The following PRKCB variants were observed in gnomAD, a reference collection of about 807,000 sequenced individuals.
The protein encoded by PRKCB is protein kinase C beta.
A neutral mutation model predicts 81.5 loss-of-function variants in PRKCB; 13 were observed. The ratio of observed to expected loss-of-function variants is 0.16; its 90% CI spans 0.10 to 0.25. The LOEUF (loss-of-function observed/expected upper bound fraction) is 0.25, where lower values mean the gene tolerates loss of function less well. Among genes scored for constraint, PRKCB ranks in the 10% least tolerant of loss-of-function variants. The pLI, the probability that PRKCB is intolerant of heterozygous loss-of-function variation, is 1.00. For synonymous variants in PRKCB, 335 were observed against 321.4 expected (o/e 1.04, Z -0.45); for missense variants, 509 against 875.7 (o/e 0.58, Z 5.29).
In PRKCB at chr16:24,066,075, C is replaced by CTGTGTGTGTGTG. The variant is rs58216806; in HGVS notation, c.530-26690_530-26679dup. Among the ~76,000 whole-genome samples the CTGTGTGTGTGTG allele has an allele frequency of 8.8e-4, 123 of 139,674 alleles. 1 individual carries two copies. Among genetic ancestry groups the CTGTGTGTGTGTG allele is most frequent in the African/African-American group, 2.4e-3 (89 of 37,718 alleles). 91.6% of individuals were successfully genotyped at this position (139,674 alleles called of 152,430 possible). On this transcript the variant is annotated intron_variant, in intron 5 of 16. Coordinates refer to ENST00000643927, the MANE Select transcript of PRKCB (RefSeq NM_002738.7). ...TTTCAGCAATGTGACTGTGATGTTC[C>CTGTGTGTGTGTG]TGTGTGTGTGTGTGTGTGTGTGTGT... is the stretch of plus-strand genomic sequence containing the variant.
chr16:24,020,930 T>C (rs1261714881), intron 3 of PRKCB, among the ~76,000 whole-genome samples: 1 of 152,222 alleles, frequency 6.6e-6, no homozygotes, highest in African/African-American at 2.4e-5. Context: ...TCAGCCCACC[T>C]GTGGGCAAAG....
chr16:24,186,004 G>A (rs1223153400), intron 15 of PRKCB, among the ~76,000 whole-genome samples: 2 of 152,150 alleles, frequency 1.3e-5, no homozygotes, highest in East Asian at 1.9e-4. Context: ...AAAATACCAC[G>A]CCGTGTTGAG....
rs374052043 is a variant in PRKCB at position 23,880,978 on chromosome 16, C to A, written c.205+43572C>A. 3.9e-5 allele frequency among the ~76,000 whole-genome samples: 6 copies of A among 152,168 alleles called. No individual in the cohort carries two copies. In the East Asian group the frequency reaches 7.7e-4, roughly 20 times the overall value. On this transcript the variant is annotated intron_variant, in intron 2 of 16. Coordinates refer to ENST00000643927, the MANE Select transcript of PRKCB (RefSeq NM_002738.7). ...TTGACGATCTTTAACAGGTGCCCTC[C>A]GGATGGTCATGGGGGTATTTTCCAT...
intron 2 of PRKCB, among the ~76,000 whole-genome samples, chr16:23,940,630 A>G (rs195987): frequency 0.58 from 87,423 of 151,750 alleles, 25,538 homozygotes; most frequent in East Asian, 0.66. Context: ...ATATATATAG[A>G]TCATATATAT....
intron 2 of PRKCB, among the ~76,000 whole-genome samples, chr16:23,913,469 A>G (rs1230054810): frequency 6.6e-6 from 1 of 152,158 alleles, no homozygotes; most frequent in Non-Finnish European, 1.5e-5. Flanking sequence ...GGTGCCCACT[A>G]TTGGGTGAAA....
chr16:24,003,829 G>C (rs779795838), intron 3 of PRKCB, among the ~76,000 whole-genome samples: 5 of 152,180 alleles, frequency 3.3e-5, no homozygotes, highest in Non-Finnish European at 7.4e-5. Flanking sequence ...TAAGAAGAGT[G>C]AAGGAGAAAC....
chr16:24,175,387 A>G (rs976396595), intron 12 of PRKCB, among the ~76,000 whole-genome samples: 3 of 150,546 alleles, frequency 2.0e-5, no homozygotes, highest in Middle Eastern at 6.8e-3. Flanking sequence ...TATTCTAGGC[A>G]CTCTTCTGGG....
intron 12 of PRKCB, chr16:24,174,861 A>T: frequency 2.9e-6 from 1 of 343,536 alleles, no homozygotes; most frequent in Non-Finnish European, 5.2e-6. Context: ...CACAGAGAGG[A>T]CCTCAGTACT....
intron 3 of PRKCB, among the ~76,000 whole-genome samples, chr16:23,989,364 C>T (rs367737177): frequency 1.2e-4 from 18 of 152,240 alleles, no homozygotes; most frequent in Admixed American, 3.3e-4. Context: ...GGATTCCAGG[C>T]GTGAGCCAGT....
intron 5 of PRKCB, among the ~76,000 whole-genome samples, chr16:24,068,399 C>T (rs1966064738): frequency 6.6e-6 from 1 of 151,948 alleles, no homozygotes; most frequent in South Asian, 2.1e-4. Flanking sequence ...CTGGTGGCCT[C>T]CCTCCTTCTT....
intron 3 of PRKCB, among the ~76,000 whole-genome samples, chr16:24,018,194 C>T (rs1302026616): frequency 2.0e-5 from 3 of 151,858 alleles, no homozygotes; most frequent in African/African-American, 2.4e-5. Flanking sequence ...CCACTGCGCC[C>T]GGCCCATAAC....
chr16:23,925,525 T>A (rs1474698291), intron 2 of PRKCB, among the ~76,000 whole-genome samples: 1 of 152,096 alleles, frequency 6.6e-6, no homozygotes, highest in Non-Finnish European at 1.5e-5. Context: ...AAGGACTCCA[T>A]TCTTGACATT....
intron 3 of PRKCB, among the ~76,000 whole-genome samples, chr16:24,006,119 A>G (rs1965116503): frequency 6.6e-6 from 1 of 152,064 alleles, no homozygotes; most frequent in African/African-American, 2.4e-5. Flanking sequence ...CTACATCTGA[A>G]AGTGCACCAT....
intron 5 of PRKCB, among the ~76,000 whole-genome samples, chr16:24,068,892 T>C (rs1966074143): frequency 6.6e-6 from 1 of 152,140 alleles, no homozygotes; most frequent in Non-Finnish European, 1.5e-5. Flanking sequence ...GTGAAGATAG[T>C]GAAGTAAAGG....
At chr16:23,882,529 C>T (rs941649605) in intron 2 of PRKCB, among the ~76,000 whole-genome samples, 1 of 152,180 alleles carries the variant, frequency 6.6e-6, no homozygotes, top group Admixed American at 6.5e-5. Context: ...TGAGCCATTG[C>T]TCCTGGGATG....
intron 7 of PRKCB, among the ~76,000 whole-genome samples, chr16:24,106,572 C>T (rs1025331553): frequency 5.3e-5 from 8 of 152,080 alleles, no homozygotes; most frequent in Admixed American, 5.2e-4. Context: ...TAATAATTTC[C>T]TAATAAATTT....
chr16:24,058,904 G>T (rs1659145570), intron 5 of PRKCB, among the ~76,000 whole-genome samples: 1 of 75,580 alleles, frequency 1.3e-5, no homozygotes, highest in Admixed American at 1.1e-4. Flanking sequence ...CCTGTAGGAT[G>T]GAGGAGATGA....
chr16:23,966,596 C>T (rs1429595850), intron 2 of PRKCB, among the ~76,000 whole-genome samples: 2 of 152,164 alleles, frequency 1.3e-5, no homozygotes, highest in South Asian at 2.1e-4. Flanking sequence ...TTCAGAGGAG[C>T]AAGGATTGTG....
At position 24,215,763 on chromosome 16, in the gene PRKCB, G is replaced by A. The variant is rs997101808; in HGVS notation, c.*947G>A. 37 of 985,670 alleles carry A rather than the reference G, an allele frequency of 3.8e-5. No individual in the cohort carries two copies. The highest frequency in any genetic ancestry group is 1.4e-4 in the South Asian group (3 of 21,286). The allele number at this position is 985,670 out of a possible 1,614,324, so 61.1% of individuals were successfully genotyped here. A position where few individuals can be genotyped will look rare whatever the true frequency, so the allele number is the denominator to read the frequency against. Reference sequence around the variant, plus strand: ...TTGATTTAACCAAGAAGACGGCTGCGGAGCCTAGCAGACTCAGGCCTGTGG... The same window carrying A: ...TTGATTTAACCAAGAAGACGGCTGCAGAGCCTAGCAGACTCAGGCCTGTGG... On this transcript the variant is annotated 3_prime_UTR_variant, in exon 17 of 17. Coordinates refer to ENST00000643927, the MANE Select transcript of PRKCB (RefSeq NM_002738.7).
Sources: gnomAD v4.1 joint callset for allele counts (sites outside exome capture counted in the v4.1 genomes callset) on GRCh38, gnomAD v4.1.1 for gene constraint, MANE v1.5 for transcripts, NCBI Gene and HGNC (gene_info 2026-07-23, HGNC 2026-07-21) for gene names.